Variants in GLYAT observed in about 807,000 individuals in gnomAD.
GLYAT encodes the protein glycine-N-acyltransferase.
GLYAT carries 25 observed loss-of-function variants against 22.8 expected under a neutral mutation model. That is an observed-to-expected ratio of 1.09 (90% CI 0.80 to 1.53). GLYAT has a LOEUF of 1.53. Ranked by LOEUF, GLYAT falls within the 40% of genes most tolerant of loss-of-function variation. GLYAT has a pLI of 0.00. For synonymous variants in GLYAT, 140 were observed against 122.7 expected (o/e 1.14, Z -0.93); for missense variants, 411 against 353.9 (o/e 1.16, Z -1.29).
intron 1 of GLYAT, among the ~76,000 whole-genome samples, chr11:58,729,199 T>C (rs1856846898): frequency 6.6e-6 from 1 of 152,156 alleles, no homozygotes; most frequent in Non-Finnish European, 1.5e-5. Flanking sequence ...ACATTTATTC[T>C]CAGTTTGAAA....
chr11:58,726,749 C>A (rs1418601340), intron 1 of GLYAT, among the ~76,000 whole-genome samples: 1 of 151,930 alleles, frequency 6.6e-6, no homozygotes, highest in Non-Finnish European at 1.5e-5. Flanking sequence ...GAAGGTCTTG[C>A]AGCATATTGA....
chr11:58,713,574 C>T (rs888806935), intron 3 of GLYAT, among the ~76,000 whole-genome samples: 1 of 152,074 alleles, frequency 6.6e-6, no homozygotes, highest in Non-Finnish European at 1.5e-5. Flanking sequence ...AAAATGCCTT[C>T]TTTAAAAAAT....
chr11:58,724,538 G>T, intron 1 of GLYAT, 27 bp from the exon 2 acceptor site: 1 of 1,273,632 alleles, frequency 7.9e-7, no homozygotes, highest in Non-Finnish European at 1.1e-6. Context: ...GGAACATACA[G>T]GATTGAGAAA....
intron 1 of GLYAT, among the ~76,000 whole-genome samples, chr11:58,726,377 C>T (rs1856812218): frequency 6.6e-6 from 1 of 152,086 alleles, no homozygotes; most frequent in African/African-American, 2.4e-5. Flanking sequence ...TGGCCTCTTG[C>T]TAGCTGTCAG....
intron 1 of GLYAT, among the ~76,000 whole-genome samples, chr11:58,728,892 A>AAGAAAGAAAGAAAGAAAGAAGGAAGGAG (rs200455663): frequency 5.6e-5 from 5 of 89,196 alleles, no homozygotes; most frequent in African/African-American, 2.3e-4. Flanking sequence ...GAAAGAAAGA[A>AAGAAAGAAAGAAAGAAAGAAGGAAGGAG]GGAAGGAAGG....
chr11:58,709,560 G>C lies in GLYAT; in HGVS notation c.*206C>G. On this transcript the variant is annotated 3_prime_UTR_variant, in exon 6 of 6. Coordinates refer to ENST00000344743, the MANE Select transcript of GLYAT (RefSeq NM_201648.3). ...GGTAAATTGCTTATGTCAAATGTAA[G>C]AGGACCTGGGCCTGCTTCCCACTGA... 1 of 507,672 alleles carries C rather than the reference G, an allele frequency of 2.0e-6. No homozygotes were observed. Among genetic ancestry groups the C allele is most frequent in the Non-Finnish European group, 3.4e-6 (1 of 290,716 alleles). The allele number at this position is 507,672 out of a possible 1,614,324, so 31.4% of individuals were successfully genotyped here.
At chr11:58,719,640 AT>A (rs974495546) in intron 2 of GLYAT, among the ~76,000 whole-genome samples, 1 of 151,896 alleles carries the variant, frequency 6.6e-6, no homozygotes, top group Non-Finnish European at 1.5e-5. Flanking sequence ...AAGGCAGTTT[AT>A]TTTGATTGGC....
In GLYAT at chr11:58,722,178, A is replaced by T. The variant is rs899663264; in HGVS notation, c.81+2238T>A. Among the ~76,000 whole-genome samples, 9 of 152,188 alleles carry T rather than the reference A, an allele frequency of 5.9e-5. No individual in the cohort carries two copies. The South Asian group carries it at 6.2e-4, about 11-fold the overall frequency. On this transcript the variant is annotated intron_variant, in intron 2 of 5. Coordinates refer to ENST00000344743, the MANE Select transcript of GLYAT (RefSeq NM_201648.3). Reference sequence around the variant, plus strand: ...ATTGTCCTATTAGTTTGAGCCATAAAGTCAGCCATACTGGTACCAAGCACC... The same window carrying T: ...ATTGTCCTATTAGTTTGAGCCATAATGTCAGCCATACTGGTACCAAGCACC...
rs1856593114 is a variant in GLYAT, at chr11:58,710,084, C to T, written c.573G>A (p.Glu191=). The part of the protein sequence containing the change: ...VNKFWHFGGN[E]RSQRFIERCI... ...AGCGCTCAATGAATCTCTGGCTCCT[C>T]TCATTACCACCAAAATGCCAGAATT... Residue 191 remains glutamate (E), a synonymous_variant, in exon 6 of 6, where the codon GAG becomes GAA. Coordinates refer to ENST00000344743, the MANE Select transcript of GLYAT (RefSeq NM_201648.3). 1 of 1,613,910 alleles carries T rather than the reference C, an allele frequency of 6.2e-7. No individual in the cohort carries two copies. Among genetic ancestry groups the T allele is most frequent in the African/African-American group, 1.3e-5 (1 of 74,914 alleles).
At chr11:58,711,957 A>G (rs1289928627) in intron 4 of GLYAT, among the ~76,000 whole-genome samples, 2 of 152,226 alleles carry the variant, frequency 1.3e-5, no homozygotes, top group African/African-American at 2.4e-5. Context: ...ACATGTTGCC[A>G]TCATGCTGTC....
intron 5 of GLYAT, 170 bp from the exon 6 acceptor site, chr11:58,710,338 G>C: frequency 8.5e-7 from 1 of 1,183,148 alleles, no homozygotes; most frequent in Non-Finnish European, 1.1e-6. Flanking sequence ...CAGAGCTGTT[G>C]GAGGAAGAAA....
intron 5 of GLYAT, 181 bp downstream of exon 5, chr11:58,710,409 G>A: frequency 1.4e-6 from 1 of 718,898 alleles, no homozygotes; most frequent in Non-Finnish European, 2.3e-6. Flanking sequence ...TAGATGAGAA[G>A]GGAGATGGTG....
At position 58,715,417 on chromosome 11, in the gene GLYAT, C is replaced by T. The variant is rs1434584749; in HGVS notation, c.88G>A (p.Gly30Arg). The stretch of plus-strand genomic sequence containing the variant: ...CCATGGTTTATGTGAAAGACAGTTC[C>T]ATAAACCTGCAGGATCCCAAGAAAT... ...KSLPASLKVY[G>R]TVFHINHGNP... The change falls in exon 3 of 6, where the codon GGA (glycine) becomes AGA (arginine). Residue 30 changes from glycine to arginine, a missense_variant. By Grantham distance (125) the Gly-to-Arg change is moderately radical. Coordinates refer to ENST00000344743, the MANE Select transcript of GLYAT (RefSeq NM_201648.3). 1.3e-6 allele frequency: 2 copies of T among 1,486,566 alleles called. No individual in the cohort carries two copies. The highest frequency in any genetic ancestry group is 2.3e-5 in the East Asian group (1 of 43,798). 92.1% of individuals were successfully genotyped at this position (1,486,566 alleles called of 1,614,324 possible). A position where few individuals can be genotyped will look rare whatever the true frequency, so the allele number is the denominator to read the frequency against.
chr11:58,710,865 G>C (rs1422667550), intron 4 of GLYAT, 104 bp from the exon 5 acceptor site: 3 of 731,274 alleles, frequency 4.1e-6, no homozygotes, highest in Non-Finnish European at 7.1e-6. Flanking sequence ...TAAAATCTTG[G>C]TTCTGGGCTT....
intron 3 of GLYAT, among the ~76,000 whole-genome samples, chr11:58,713,897 T>G (rs2497380): frequency 0.06 from 9,130 of 152,194 alleles, 609 homozygotes; most frequent in African/African-American, 0.17. Flanking sequence ...ATTGTTTATT[T>G]TTTTATTTTG....
intron 4 of GLYAT, among the ~76,000 whole-genome samples, chr11:58,711,005 C>T (rs1459305172): frequency 1.3e-5 from 2 of 152,126 alleles, no homozygotes; most frequent in African/African-American, 2.4e-5. Context: ...TATTCAAAGA[C>T]CTGTGCTAGC....
rs1856604684 is a variant in GLYAT at position 58,710,692 on chromosome 11, GT to G, written c.385del (p.Thr129HisfsTer15). The G allele has an allele frequency of 6.2e-7, 1 of 1,613,510 alleles. No individual in the cohort carries two copies. On this transcript the variant is annotated frameshift_variant, in exon 5 of 6. Transcript: ENST00000344743. LOFTEE classifies it high-confidence loss of function. ...AGCTGCCATATAGAGAATGCGTTGT[GT>G]TTGTTTGACTTTGAAGGACTTAATG... The part of the protein sequence containing the change: ...AAIKSFKVKQ[T>X]QRILYMAAET...
At position 58,710,012 on chromosome 11, in the gene GLYAT, G is replaced by T; in HGVS notation, c.645C>A (p.Thr215=). 6.2e-7 allele frequency: 1 copy of T among 1,614,062 alleles called. No individual in the cohort carries two copies. The highest frequency in any genetic ancestry group is 8.5e-7 in the Non-Finnish European group (1 of 1,179,966). ...PTCCLLGPEG[T]PVCWDLMDQT... is the part of the protein sequence containing the mutation. Reference sequence around the variant, plus strand: ...GGTCCATTAGATCCCAGCACACAGGGGTCCCCTCAGGCCCCAGGAGACAGC... The same window carrying T: ...GGTCCATTAGATCCCAGCACACAGGTGTCCCCTCAGGCCCCAGGAGACAGC... Residue 215 remains threonine, a synonymous_variant, in exon 6 of 6, where the codon ACC becomes ACA. Coordinates refer to ENST00000344743, the MANE Select transcript of GLYAT (RefSeq NM_201648.3).
intron 1 of GLYAT, among the ~76,000 whole-genome samples, chr11:58,728,893 G>GGAAGGAA (rs1856841103): frequency 1.7e-5 from 1 of 59,900 alleles, no homozygotes; most frequent in Non-Finnish European, 3.4e-5. Flanking sequence ...AAAGAAAGAA[G>GGAAGGAA]GAAGGAAGGA....
Sources: gnomAD v4.1 joint callset for allele counts (sites outside exome capture counted in the v4.1 genomes callset) on GRCh38, gnomAD v4.1.1 for gene constraint, MANE v1.5 for transcripts, NCBI Gene and HGNC (gene_info 2026-07-23, HGNC 2026-07-21) for gene names.